Variants in RBPMS observed in about 807,000 individuals in gnomAD.
RBPMS encodes RNA-binding protein with multiple splicing.
In RBPMS, 7 loss-of-function variants were observed where a neutral mutation model predicts 26.8. The ratio of observed to expected loss-of-function variants is 0.26; its 90% CI spans 0.15 to 0.49. The LOEUF (loss-of-function observed/expected upper bound fraction) is 0.49. RBPMS is among the 20% of genes least tolerant of loss of function. The probability of loss-of-function intolerance (pLI) is 0.98; values close to 1 mark genes in which losing one functional copy is unlikely to be tolerated. For synonymous variants in RBPMS, 96 were observed against 93.3 expected (o/e 1.03, Z -0.17); for missense variants, 186 against 250.0 (o/e 0.74, Z 1.73).
intron 5 of RBPMS, among the ~76,000 whole-genome samples, chr8:30,535,355 C>A (rs1252264461): frequency 6.6e-6 from 1 of 152,146 alleles, no homozygotes; most frequent in Non-Finnish European, 1.5e-5. Context: ...GACATAGACA[C>A]AGAAAAAGAA....
At chr8:30,474,659 G>A (rs889794651) in intron 1 of RBPMS, 120 bp from the exon 2 acceptor site, 4 of 650,738 alleles carry the variant, frequency 6.1e-6, no homozygotes, top group Middle Eastern at 2.6e-4. Flanking sequence ...ATCATGGAAA[G>A]AGCATGAATT....
chr8:30,512,865 C>T (rs539758516), intron 5 of RBPMS, among the ~76,000 whole-genome samples: 115 of 152,284 alleles, frequency 7.6e-4, no homozygotes, highest in African/African-American at 2.5e-3. Context: ...TGATCTCTTT[C>T]GTGTAGAGAG....
intron 1 of RBPMS, among the ~76,000 whole-genome samples, chr8:30,450,657 A>G (rs1340737429): frequency 6.6e-6 from 1 of 152,164 alleles, no homozygotes; most frequent in African/African-American, 2.4e-5. Context: ...AGTGCTGCAT[A>G]GTATTTCCAG....
At chr8:30,549,742 C>CCT (rs1554543782) in intron 6 of RBPMS, among the ~76,000 whole-genome samples, 14 of 144,064 alleles carry the variant, frequency 9.7e-5, no homozygotes, top group South Asian at 2.2e-4. Flanking sequence ...TTCTTTCTTT[C>CCT]TTTCTTTCCT....
chr8:30,531,932 G>C (rs1475579108), intron 5 of RBPMS, among the ~76,000 whole-genome samples: 1 of 152,018 alleles, frequency 6.6e-6, no homozygotes, highest in Non-Finnish European at 1.5e-5. Flanking sequence ...AATTGTGTAG[G>C]TCAGAGTCTC....
chr8:30,452,427 A>G (rs1490226668), intron 1 of RBPMS, among the ~76,000 whole-genome samples: 1 of 152,184 alleles, frequency 6.6e-6, no homozygotes, highest in East Asian at 1.9e-4. Context: ...TGTTGGAGGT[A>G]GAATATCACC....
intron 1 of RBPMS, among the ~76,000 whole-genome samples, chr8:30,422,864 T>C (rs1190084514): frequency 6.6e-6 from 1 of 152,252 alleles, no homozygotes; most frequent in African/African-American, 2.4e-5. Context: ...TGGATGTATT[T>C]TACTGACACA....
chr8:30,568,227 G>C (rs959813009), intron 8 of RBPMS, among the ~76,000 whole-genome samples: 1 of 152,160 alleles, frequency 6.6e-6, no homozygotes, highest in Non-Finnish European at 1.5e-5. Flanking sequence ...TTTGGAGTTG[G>C]GGGGAGAACA....
intron 1 of RBPMS, among the ~76,000 whole-genome samples, chr8:30,439,549 C>T (rs1812838215): frequency 6.6e-6 from 1 of 152,160 alleles, no homozygotes; most frequent in African/African-American, 2.4e-5. Flanking sequence ...ATGATACATT[C>T]TTCTAAAGGT....
intron 2 of RBPMS, among the ~76,000 whole-genome samples, chr8:30,475,234 G>A (rs886309806): frequency 6.6e-6 from 1 of 152,174 alleles, no homozygotes; most frequent in Non-Finnish European, 1.5e-5. Context: ...AGGATACCTA[G>A]GTGTAAGTTG....
At chr8:30,470,476 A>AT (rs1410233784) in intron 1 of RBPMS, among the ~76,000 whole-genome samples, 5 of 152,102 alleles carry the variant, frequency 3.3e-5, no homozygotes, top group African/African-American at 4.8e-5. Flanking sequence ...ATTATTCGTG[A>AT]TTTTTTAAAA....
At chr8:30,443,761 C>T (rs944664314) in intron 1 of RBPMS, among the ~76,000 whole-genome samples, 8 of 150,742 alleles carry the variant, frequency 5.3e-5, no homozygotes, top group African/African-American at 1.5e-4. Flanking sequence ...CCACGTCCAG[C>T]GAATTTTTGT....
At chr8:30,416,184 G>A (rs1810047199) in intron 1 of RBPMS, among the ~76,000 whole-genome samples, 1 of 152,154 alleles carries the variant, frequency 6.6e-6, no homozygotes, top group African/African-American at 2.4e-5. Flanking sequence ...ATGATGAAGA[G>A]TAGAAAAGGC....
chr8:30,555,549 G>C (rs1826793336), intron 6 of RBPMS, among the ~76,000 whole-genome samples: 2 of 151,582 alleles, frequency 1.3e-5, no homozygotes, highest in African/African-American at 4.9e-5. Context: ...GCACATTTGA[G>C]AGAGAGAACT....
intron 1 of RBPMS, among the ~76,000 whole-genome samples, chr8:30,430,995 G>C (rs561092662): frequency 4.5e-4 from 69 of 152,300 alleles, no homozygotes; most frequent in Non-Finnish European, 8.5e-4. Flanking sequence ...AATTATTTGT[G>C]AGTGTATTTT....
At chr8:30,463,720 G>A (rs1403028637) in intron 1 of RBPMS, among the ~76,000 whole-genome samples, 1 of 152,218 alleles carries the variant, frequency 6.6e-6, no homozygotes, top group African/African-American at 2.4e-5. Flanking sequence ...AGGAAACTTA[G>A]GAAGGGAAAG....
At chr8:30,479,841 T>C (rs1041496889) in intron 4 of RBPMS, among the ~76,000 whole-genome samples, 9 of 152,196 alleles carry the variant, frequency 5.9e-5, no homozygotes, top group Admixed American at 2.6e-4. Flanking sequence ...ATAGCCTTTA[T>C]TCTGGTTGAT....
rs192351472 is a variant in RBPMS, at chr8:30,539,978, A to T, written c.398-4516A>T. ...TATAATATGGTGGTAGACACTGGTG[A>T]GCAAGAATAAGAGTGAGCTTGCCGT... On this transcript the variant is annotated intron_variant, in intron 5 of 8. Coordinates refer to ENST00000397323, the MANE Select transcript of RBPMS (RefSeq NM_001008710.3). Among the ~76,000 whole-genome samples, 3 of 152,284 alleles carry T rather than the reference A, an allele frequency of 2.0e-5. No homozygotes were observed. The East Asian group carries it at 5.8e-4, about 29-fold the overall frequency.
At chr8:30,567,188 C>G (rs572696887) in intron 8 of RBPMS, among the ~76,000 whole-genome samples, 2 of 152,308 alleles carry the variant, frequency 1.3e-5, no homozygotes, top group East Asian at 1.9e-4. Flanking sequence ...CTGAAAGGAA[C>G]AAGATTCCTG....
Sources: allele counts gnomAD v4.1 joint callset (sites outside exome capture counted in the v4.1 genomes callset), GRCh38; gene constraint gnomAD v4.1.1; transcripts MANE v1.5; gene names NCBI Gene and HGNC (gene_info 2026-07-23, HGNC 2026-07-21).